Variants in RXFP4 observed in about 807,000 individuals in gnomAD.
The protein encoded by RXFP4 is relaxin-3 receptor 2.
For synonymous variants in RXFP4, 182 were observed against 218.0 expected, an observed-to-expected ratio of 0.83 and a Z score of 1.45; for missense variants, 425 against 491.3, an observed-to-expected ratio of 0.87 and a Z score of 1.28.
Position 155,941,868 on chromosome 1 carries a change from C to G in RXFP4, c.159C>G (p.Gly53=). Residue 53 remains glycine (G), a synonymous_variant, in exon 1 of 1, where the codon GGC becomes GGG. Transcript: ENST00000368318. ...ALAYGLVGAI[G]LLGNLAVLWV... ...CCTATGGGCTTGTGGGGGCCATTGG[C>G]TTGCTGGGAAATTTGGCGGTGCTGT... is the stretch of plus-strand genomic sequence containing the variant. 6.2e-7 allele frequency: 1 copy of G among 1,614,224 alleles called. No individual in the cohort carries two copies.
In RXFP4 at chr1:155,942,935, C is replaced by A; in HGVS notation, c.*101C>A. ...CCTCTCTGCCAGGCTGCAGTGCCCTCAGGGAAAAGTCTGATCTTTGATCCC... is the reference window on the plus strand; with the variant it reads ...CCTCTCTGCCAGGCTGCAGTGCCCTAAGGGAAAAGTCTGATCTTTGATCCC... On this transcript the variant is annotated 3_prime_UTR_variant, in exon 1 of 1. Coordinates refer to ENST00000368318, the MANE Select transcript of RXFP4 (RefSeq NM_181885.3). The surrounding 1 kb of genome is among the most constrained non-coding windows in gnomAD (Gnocchi z 5.2). 3 of 1,203,908 alleles carry A rather than the reference C, an allele frequency of 2.5e-6. No homozygotes were observed. Among genetic ancestry groups the A allele is most frequent in the Non-Finnish European group, 3.3e-6 (3 of 899,426 alleles). 74.6% of individuals were successfully genotyped at this position (1,203,908 alleles called of 1,614,324 possible). A position where few individuals can be genotyped will look rare whatever the true frequency, so the allele number is the denominator to read the frequency against.
rs41264993 is a variant in RXFP4 at position 155,942,415 on chromosome 1, C to T, written c.706C>T (p.Arg236Trp). Residue 236 changes from arginine (R) to tryptophan (W), a missense_variant, in exon 1 of 1, where the codon CGG (arginine) becomes TGG (tryptophan). Transcript: ENST00000368318. This position sits in a 1 kb window ranked among gnomAD's most constrained non-coding sequence, Gnocchi z 5.2. The stretch of plus-strand genomic sequence containing the variant: ...GCTGGCCTTCCTGCAGCGGCGGCAA[C>T]GGCGGCGGCAGGACAGCAGGGTCGT... ...LLLAFLQRRQ[R>W]RRQDSRVVAR... is the part of the protein sequence containing the mutation. The T allele has an allele frequency of 1.6e-4, 245 of 1,553,424 alleles. 1 individual carries two copies. The highest frequency in any genetic ancestry group is 2.0e-4 in the Non-Finnish European group (229 of 1,147,108).
In RXFP4 at chr1:155,942,211, GC is replaced by G; in HGVS notation, c.503del (p.Ala168GlyfsTer5). 6.2e-7 allele frequency: 1 copy of G among 1,614,004 alleles called. No homozygotes were observed. The highest frequency in any genetic ancestry group is 8.5e-7 in the Non-Finnish European group (1 of 1,180,036). ...ARIATLAVWA[A>X]AALVTVPTAV... The stretch of plus-strand genomic sequence containing the variant: ...AATAGCCACCCTGGCAGTGTGGGCG[GC>G]GGCTGCCCTGGTGACGGTGCCCACA... On this transcript the variant is annotated frameshift_variant, in exon 1 of 1. Transcript: ENST00000368318. LOFTEE classifies it low-confidence loss of function (END_TRUNC). This position sits in a 1 kb window ranked among gnomAD's most constrained non-coding sequence, Gnocchi z 5.2.
Position 155,942,989 on chromosome 1 carries a change from CG to C in RXFP4, c.*160del, listed in dbSNP as rs1674344162. ...CTCTGGGTGTGGTGAATGGGGGAGG[CG>C]GGGGCTCAGATCAGAGCTGGATGTG... On this transcript the variant is annotated 3_prime_UTR_variant, in exon 1 of 1. Transcript: ENST00000368318. This position sits in a 1 kb window ranked among gnomAD's most constrained non-coding sequence, Gnocchi z 5.2. 21 of 660,324 alleles carry C rather than the reference CG, an allele frequency of 3.2e-5. No homozygotes were observed. In the East Asian group the frequency reaches 5.9e-4, roughly 18 times the overall value. The allele number at this position is 660,324 out of a possible 1,614,324, so 40.9% of individuals were successfully genotyped here. A position where few individuals can be genotyped will look rare whatever the true frequency, so the allele number is the denominator to read the frequency against.
At position 155,942,081 on chromosome 1, in the gene RXFP4, C is replaced by T. The variant is rs759675069; in HGVS notation, c.372C>T (p.Asn124=). 6 of 1,611,492 alleles carry T rather than the reference C, an allele frequency of 3.7e-6. No individual in the cohort carries two copies. In the African/African-American group the frequency reaches 6.7e-5, roughly 18 times the overall value. ...TGGTTCTGACGGCCACTGTCCTCAACGTCTATGCCAGCATCTTCCTCATCA... is the reference window on the plus strand; with the variant it reads ...TGGTTCTGACGGCCACTGTCCTCAATGTCTATGCCAGCATCTTCCTCATCA... ...CKMVLTATVL[N]VYASIFLITA... is the part of the protein sequence containing the mutation. The change falls in exon 1 of 1, where the codon AAC becomes AAT. Residue 124 remains asparagine (N), a synonymous_variant. Transcript: ENST00000368318. This position sits in a 1 kb window ranked among gnomAD's most constrained non-coding sequence, Gnocchi z 5.2.
rs1557975171 is a variant in RXFP4 at position 155,941,747 on chromosome 1, T to G, written c.38T>G (p.Phe13Cys). 1 of 1,614,136 alleles carries G rather than the reference T, an allele frequency of 6.2e-7. No individual in the cohort carries two copies. The highest frequency in any genetic ancestry group is 1.7e-5 in the Admixed American group (1 of 60,020). The change falls in exon 1 of 1, where the codon TTC (phenylalanine) becomes TGC (cysteine). Residue 13 changes from phenylalanine to cysteine, a missense_variant. Coordinates refer to ENST00000368318, the MANE Select transcript of RXFP4 (RefSeq NM_181885.3). ...TLNTSASPPT[F>C]FWANASGGSV... ...AATACTTCTGCCTCTCCACCCACAT[T>G]CTTCTGGGCCAATGCCTCCGGAGGC...
rs770671414 is a variant in RXFP4, at chr1:155,941,873, T to G, written c.164T>G (p.Leu55Arg). 14 of 1,614,188 alleles carry G rather than the reference T, an allele frequency of 8.7e-6. No homozygotes were observed. The East Asian group carries it at 2.9e-4, about 33-fold the overall frequency. The change falls in exon 1 of 1, where the codon CTG becomes CGG. Residue 55 changes from leucine to arginine, a missense_variant. By Grantham distance (102) the Leu-to-Arg change is moderately radical. Coordinates refer to ENST00000368318, the MANE Select transcript of RXFP4 (RefSeq NM_181885.3). ...GGGCTTGTGGGGGCCATTGGCTTGC[T>G]GGGAAATTTGGCGGTGCTGTGGGTA... The part of the protein sequence containing the change: ...AYGLVGAIGL[L>R]GNLAVLWVLS...
chr1:155,942,732 G>C lies in RXFP4; in HGVS notation c.1023G>C (p.Gln341His), dbSNP rs1380152581. ...LWPQGGGWVQ[Q>H]VALKQVGRRW... ...CCCAGGGCGGAGGCTGGGTGCAACA[G>C]GTGGCCCTAAAGCAGGTAGGCAGGC... is the stretch of plus-strand genomic sequence containing the variant. The change falls in exon 1 of 1, where the codon CAG becomes CAC. Residue 341 changes from glutamine (Q) to histidine (H), a missense_variant. By Grantham distance (24) the Gln-to-His change is conservative. Coordinates refer to ENST00000368318, the MANE Select transcript of RXFP4 (RefSeq NM_181885.3). The surrounding 1 kb of genome is among the most constrained non-coding windows in gnomAD (Gnocchi z 5.2). The C allele has an allele frequency of 1.2e-6, 2 of 1,603,770 alleles. No individual in the cohort carries two copies. Among genetic ancestry groups the C allele is most frequent in the Admixed American group, 1.7e-5 (1 of 59,832 alleles).
rs144700057 is a variant in RXFP4, at chr1:155,942,646, A to T, written c.937A>T (p.Arg313Trp). Residue 313 changes from arginine to tryptophan, a missense_variant, in exon 1 of 1, where the codon AGG (arginine) becomes TGG (tryptophan). Coordinates refer to ENST00000368318, the MANE Select transcript of RXFP4 (RefSeq NM_181885.3). This position sits in a 1 kb window ranked among gnomAD's most constrained non-coding sequence, Gnocchi z 5.2. ...CAACCCTGTGCTGTACTGTCTCCTG[A>T]GGCGGGAGCCCCGGCAGGCTCTGGC... ...CLNPVLYCLLRREPRQALAGT... is the reference protein window; with the variant it reads ...CLNPVLYCLLWREPRQALAGT... 2.5e-6 allele frequency: 4 copies of T among 1,613,936 alleles called. No individual in the cohort carries two copies. In the African/African-American group the frequency reaches 5.3e-5, roughly 22 times the overall value.
chr1:155,942,425 A>C lies in RXFP4; in HGVS notation c.716A>C (p.Gln239Pro). The C allele has an allele frequency of 6.4e-7, 1 of 1,557,370 alleles. No homozygotes were observed. The highest frequency in any genetic ancestry group is 2.3e-5 in the East Asian group (1 of 44,354). ...AFLQRRQRRR[Q>P]DSRVVARSVR... ...CTGCAGCGGCGGCAACGGCGGCGGC[A>C]GGACAGCAGGGTCGTGGCCCGCTCT... The change falls in exon 1 of 1, where the codon CAG (glutamine) becomes CCG (proline). Residue 239 changes from glutamine to proline, a missense_variant. Gln to Pro is a moderately conservative substitution (Grantham distance 76). Coordinates refer to ENST00000368318, the MANE Select transcript of RXFP4 (RefSeq NM_181885.3). This position sits in a 1 kb window ranked among gnomAD's most constrained non-coding sequence, Gnocchi z 5.2.
Position 155,941,854 on chromosome 1 carries a change from G to A in RXFP4, c.145G>A (p.Val49Met), listed in dbSNP as rs1338265362. The A allele has an allele frequency of 6.2e-7, 1 of 1,614,242 alleles. No individual in the cohort carries two copies. The highest frequency in any genetic ancestry group is 8.5e-7 in the Non-Finnish European group (1 of 1,180,046). ...CATGGTTGCCCTGGCCTATGGGCTTGTGGGGGCCATTGGCTTGCTGGGAAA... is the reference window on the plus strand; with the variant it reads ...CATGGTTGCCCTGGCCTATGGGCTTATGGGGGCCATTGGCTTGCTGGGAAA... ...RLMVALAYGL[V>M]GAIGLLGNLA... is the part of the protein sequence containing the mutation. Residue 49 changes from valine (V) to methionine (M), a missense_variant, in exon 1 of 1, where the codon GTG (valine) becomes ATG (methionine). By Grantham distance (21) the Val-to-Met change is conservative. Coordinates refer to ENST00000368318, the MANE Select transcript of RXFP4 (RefSeq NM_181885.3).
At position 155,942,482 on chromosome 1, in the gene RXFP4, G is replaced by C. The variant is rs749477537; in HGVS notation, c.773G>C (p.Cys258Ser). 6.2e-7 allele frequency: 1 copy of C among 1,608,128 alleles called. No individual in the cohort carries two copies. Among genetic ancestry groups the C allele is most frequent in the Non-Finnish European group, 8.5e-7 (1 of 1,176,256 alleles). ...ATCCTGGTGGCTTCCTTCTTCCTCTGCTGGTTTCCCAACCATGTGGTCACT... is the reference window on the plus strand; with the variant it reads ...ATCCTGGTGGCTTCCTTCTTCCTCTCCTGGTTTCCCAACCATGTGGTCACT... Reference protein sequence around the residue: ...VRILVASFFLCWFPNHVVTLW... With the variant: ...VRILVASFFLSWFPNHVVTLW... The change falls in exon 1 of 1, where the codon TGC becomes TCC. Residue 258 changes from cysteine (C) to serine (S), a missense_variant. Transcript: ENST00000368318. This position sits in a 1 kb window ranked among gnomAD's most constrained non-coding sequence, Gnocchi z 5.2.
At position 155,942,446 on chromosome 1, in the gene RXFP4, G is replaced by C. The variant is rs201264364; in HGVS notation, c.737G>C (p.Arg246Pro). 18 of 1,584,000 alleles carry C rather than the reference G, an allele frequency of 1.1e-5. No homozygotes were observed. The South Asian group carries it at 1.9e-4, about 16-fold the overall frequency. The stretch of plus-strand genomic sequence containing the variant: ...CGGCAGGACAGCAGGGTCGTGGCCC[G>C]CTCTGTCCGCATCCTGGTGGCTTCC... ...RRRQDSRVVARSVRILVASFF... is the reference protein window; with the variant it reads ...RRRQDSRVVAPSVRILVASFF... The change falls in exon 1 of 1, where the codon CGC (arginine) becomes CCC (proline). Residue 246 changes from arginine to proline, a missense_variant. Arg to Pro is a moderately radical substitution (Grantham distance 103, BLOSUM62 -2). Transcript: ENST00000368318. This position sits in a 1 kb window ranked among gnomAD's most constrained non-coding sequence, Gnocchi z 5.2.
At position 155,941,832 on chromosome 1, in the gene RXFP4, G is replaced by T; in HGVS notation, c.123G>T (p.Met41Ile). The T allele has an allele frequency of 6.2e-7, 1 of 1,614,232 alleles. No homozygotes were observed. Among genetic ancestry groups the T allele is most frequent in the South Asian group, 1.1e-5 (1 of 91,084 alleles). ...TCAAATTCCTAGCCCTGAGGCTCAT[G>T]GTTGCCCTGGCCTATGGGCTTGTGG... Reference protein sequence around the residue: ...MPVKFLALRLMVALAYGLVGA... With the variant: ...MPVKFLALRLIVALAYGLVGA... The change falls in exon 1 of 1, where the codon ATG becomes ATT. Residue 41 changes from methionine (M) to isoleucine (I), a missense_variant. Transcript: ENST00000368318.
At position 155,941,773 on chromosome 1, in the gene RXFP4, A is replaced by G. The variant is rs765914097; in HGVS notation, c.64A>G (p.Ser22Gly). Residue 22 changes from serine (S) to glycine (G), a missense_variant, in exon 1 of 1, where the codon AGT (serine) becomes GGT (glycine). Physicochemically the swap from Ser to Gly is moderately conservative, Grantham distance 56 (BLOSUM62 0). Coordinates refer to ENST00000368318, the MANE Select transcript of RXFP4 (RefSeq NM_181885.3). Reference sequence around the variant, plus strand: ...CTTCTGGGCCAATGCCTCCGGAGGCAGTGTGCTGAGTGCTGATGATGCTCC... The same window carrying G: ...CTTCTGGGCCAATGCCTCCGGAGGCGGTGTGCTGAGTGCTGATGATGCTCC... ...TFFWANASGG[S>G]VLSADDAPMP... 1.8e-5 allele frequency: 29 copies of G among 1,614,082 alleles called. No homozygotes were observed. Among genetic ancestry groups the G allele is most frequent in the Non-Finnish European group, 2.4e-5 (28 of 1,180,032 alleles).
rs1433410461 is a variant in RXFP4 at position 155,942,116 on chromosome 1, G to A, written c.407G>A (p.Ser136Asn). ...YASIFLITAL[S>N]VARYWVVAMA... ...AGCATCTTCCTCATCACAGCGCTGA[G>A]CGTTGCTCGCTACTGGGTGGTGGCC... is the stretch of plus-strand genomic sequence containing the variant. Residue 136 changes from serine to asparagine, a missense_variant, in exon 1 of 1, where the codon AGC becomes AAC. Physicochemically the swap from Ser to Asn is conservative, Grantham distance 46 (BLOSUM62 1). Transcript: ENST00000368318. This position sits in a 1 kb window ranked among gnomAD's most constrained non-coding sequence, Gnocchi z 5.2. The A allele has an allele frequency of 1.2e-6, 2 of 1,613,178 alleles. No homozygotes were observed. The highest frequency in any genetic ancestry group is 3.3e-5 in the Admixed American group (2 of 60,004).
rs924484105 is a variant in RXFP4, at chr1:155,942,983, G to A, written c.*149G>A. 2.9e-6 allele frequency: 2 copies of A among 693,978 alleles called. No homozygotes were observed. The highest frequency in any genetic ancestry group is 4.5e-6 in the Non-Finnish European group (2 of 443,962). The allele number at this position is 693,978 out of a possible 1,614,324, so 43.0% of individuals were successfully genotyped here. ...CCCCAACTCTGGGTGTGGTGAATGG[G>A]GGAGGCGGGGGCTCAGATCAGAGCT... On this transcript the variant is annotated 3_prime_UTR_variant, in exon 1 of 1. Coordinates refer to ENST00000368318, the MANE Select transcript of RXFP4 (RefSeq NM_181885.3). This position sits in a 1 kb window ranked among gnomAD's most constrained non-coding sequence, Gnocchi z 5.2.
rs1258956005 is a variant in RXFP4, at chr1:155,942,689, T to C, written c.980T>C (p.Leu327Pro). 1.2e-6 allele frequency: 2 copies of C among 1,612,590 alleles called. No homozygotes were observed. Among genetic ancestry groups the C allele is most frequent in the African/African-American group, 2.7e-5 (2 of 74,932 alleles). Reference protein sequence around the residue: ...RQALAGTFRDLRLRLWPQGGG... With the variant: ...RQALAGTFRDPRLRLWPQGGG... ...GCTCTGGCAGGCACCTTCAGGGATCTGCGGTTGAGGCTGTGGCCCCAGGGC... is the reference window on the plus strand; with the variant it reads ...GCTCTGGCAGGCACCTTCAGGGATCCGCGGTTGAGGCTGTGGCCCCAGGGC... The change falls in exon 1 of 1, where the codon CTG becomes CCG. Residue 327 changes from leucine to proline, a missense_variant. Physicochemically the swap from Leu to Pro is moderately conservative, Grantham distance 98. Transcript: ENST00000368318. The surrounding 1 kb of genome is among the most constrained non-coding windows in gnomAD (Gnocchi z 5.2).
Position 155,942,513 on chromosome 1 carries a change from G to C in RXFP4, c.804G>C (p.Trp268Cys), listed in dbSNP as rs1674332872. The change falls in exon 1 of 1, where the codon TGG becomes TGC. Residue 268 changes from tryptophan to cysteine, a missense_variant. By Grantham distance (215) the Trp-to-Cys change is radical (BLOSUM62 -2). Transcript: ENST00000368318. This position sits in a 1 kb window ranked among gnomAD's most constrained non-coding sequence, Gnocchi z 5.2. ...TTCCCAACCATGTGGTCACTCTCTG[G>C]GGTGTCCTGGTGAAGTTTGACCTGG... Reference protein sequence around the residue: ...CWFPNHVVTLWGVLVKFDLVP... With the variant: ...CWFPNHVVTLCGVLVKFDLVP... 3.1e-6 allele frequency: 5 copies of C among 1,613,650 alleles called. No homozygotes were observed. In the South Asian group the frequency reaches 4.4e-5, roughly 14 times the overall value.
Sources: allele counts gnomAD v4.1 joint callset, GRCh38; gene constraint gnomAD v4.1.1; non-coding constraint Gnocchi (gnomAD v3.1); transcripts MANE v1.5; gene names NCBI Gene and HGNC (gene_info 2026-07-23, HGNC 2026-07-21).